DNAH2: variants seen among roughly 807,000 people sequenced by gnomAD.
DNAH2 encodes the protein axonemal beta dynein heavy chain 2.
In DNAH2, 323 loss-of-function variants were observed where a neutral mutation model predicts 523.5. The observed-to-expected ratio is 0.62, with a 90% CI of 0.56 to 0.68. The LOEUF is 0.68. Among genes scored for constraint, DNAH2 ranks in the 30% least tolerant of loss-of-function variants. DNAH2 has a pLI of 0.00. For synonymous variants in DNAH2, 2,093 were observed against 2,177.4 expected, an observed-to-expected ratio of 0.96 and a Z score of 1.08; for missense variants, 4,907 against 5,701.5, an observed-to-expected ratio of 0.86 and a Z score of 4.49.
chr17:7,770,994 A>G, intron 27 of DNAH2, 61 bp downstream of exon 27: 7 of 1,572,634 alleles, frequency 4.5e-6, no homozygotes, highest in Non-Finnish European at 6.0e-6. Context: ...TTTTCTTAAG[A>G]CCTAGATTTT....
intron 29 of DNAH2, 35 bp from the exon 30 acceptor site, chr17:7,775,206 C>T: frequency 6.3e-7 from 1 of 1,596,342 alleles, no homozygotes; most frequent in Non-Finnish European, 8.6e-7. Context: ...CAAGGGTGGG[C>T]AGGCCAGGCT....
chr17:7,824,720 C>T lies in DNAH2; in HGVS notation c.11846C>T (p.Pro3949Leu). The change falls in exon 77 of 86, where the codon CCA (proline) becomes CTA (leucine). Residue 3949 changes from proline to leucine, a missense_variant. This residue lies in a region of DNAH2 where 1,851 missense variants were observed against 2,139.4 expected (regional missense o/e 0.87). Transcript: ENST00000572933. ...LQVSIKMTTE[P>L]PKGLKANMTR... ...GTCAGCATCAAGATGACCACAGAGCCACCAAAGGTATGTGGCCATAGAGAA... is the reference window on the plus strand; with the variant it reads ...GTCAGCATCAAGATGACCACAGAGCTACCAAAGGTATGTGGCCATAGAGAA... 3.2e-6 allele frequency: 5 copies of T among 1,558,296 alleles called. No individual in the cohort carries two copies. The highest frequency in any genetic ancestry group is 4.4e-6 in the Non-Finnish European group (5 of 1,143,552).
intron 77 of DNAH2, among the ~76,000 whole-genome samples, chr17:7,826,843 C>A (rs1446635376): frequency 3.3e-5 from 5 of 152,028 alleles, no homozygotes; most frequent in African/African-American, 1.2e-4. Context: ...CCCGGCCCAT[C>A]ATCCTTTTAA....
chr17:7,725,368 G>T (rs1008853830), intron 3 of DNAH2, among the ~76,000 whole-genome samples: 1 of 149,438 alleles, frequency 6.7e-6, no homozygotes, highest in Non-Finnish European at 1.5e-5. Context: ...GGGATTACAG[G>T]TGTGAGCCAC....
At chr17:7,758,765 T>C in intron 14 of DNAH2, 114 bp downstream of exon 14, 1 of 1,557,852 alleles carries the variant, frequency 6.4e-7, no homozygotes, top group Non-Finnish European at 8.7e-7. Context: ...TTAAGTTTGC[T>C]TGGGGAAGGA....
At chr17:7,830,172 A>T in intron 77 of DNAH2, 128 bp from the exon 78 acceptor site, 1 of 939,880 alleles carries the variant, frequency 1.1e-6, no homozygotes, top group Admixed American at 2.7e-5. Context: ...GCTACATTTC[A>T]GCCTCCACTC....
chr17:7,722,187 CGG>C (rs56380951), intron 2 of DNAH2, among the ~76,000 whole-genome samples: 41,501 of 144,368 alleles, frequency 0.29, 7,232 homozygotes, highest in Non-Finnish European at 0.4. Context: ...TTTATAGAGA[CGG>C]GGGGGGGGGT....
chr17:7,737,185 G>A lies in DNAH2; in HGVS notation c.1097G>A (p.Ser366Asn). ...DISSKLPKLI[S>N]LIRIIWVNSP... Reference sequence around the variant, plus strand: ...TCTAGCAAGCTCCCTAAGCTGATCAGTCTCATCCGCATCATCTGGGTCAAC... The same window carrying A: ...TCTAGCAAGCTCCCTAAGCTGATCAATCTCATCCGCATCATCTGGGTCAAC... The change falls in exon 8 of 86, where the codon AGT becomes AAT. Residue 366 changes from serine to asparagine, a missense_variant. Physicochemically the swap from Ser to Asn is conservative, Grantham distance 46. This residue lies in a region of DNAH2 where 2,806 missense variants were observed against 3,190.8 expected (regional missense o/e 0.88). Coordinates refer to ENST00000572933, the MANE Select transcript of DNAH2 (RefSeq NM_020877.5). The A allele has an allele frequency of 6.2e-7, 1 of 1,614,058 alleles. No homozygotes were observed. Among genetic ancestry groups the A allele is most frequent in the African/African-American group, 1.3e-5 (1 of 75,006 alleles).
At position 7,740,480 on chromosome 17, in the gene DNAH2, C is replaced by G. The variant is rs753248434; in HGVS notation, c.1437C>G (p.Phe479Leu). 2.5e-6 allele frequency: 4 copies of G among 1,614,170 alleles called. No individual in the cohort carries two copies. Among genetic ancestry groups the G allele is most frequent in the South Asian group, 1.1e-5 (1 of 91,082 alleles). The change falls in exon 10 of 86, where the codon TTC becomes TTG. Residue 479 changes from phenylalanine to leucine, a missense_variant. This residue lies in a region of DNAH2 where 2,806 missense variants were observed against 3,190.8 expected (regional missense o/e 0.88). Transcript: ENST00000572933. Reference protein sequence around the residue: ...VMTQNLITSAFELVRDVPHGV... With the variant: ...VMTQNLITSALELVRDVPHGV... ...CCCAGAACCTGATCACCTCAGCCTT[C>G]GAGTTGGTGCGGGACGTGCCGCACG...
intron 44 of DNAH2, among the ~76,000 whole-genome samples, chr17:7,789,368 C>G (rs571463066): frequency 2.0e-5 from 3 of 152,224 alleles, no homozygotes; most frequent in African/African-American, 7.2e-5. Context: ...GCGGGCCGAG[C>G]TGGTGGTCTG....
chr17:7,735,538 A>G (rs532672708), intron 7 of DNAH2, among the ~76,000 whole-genome samples: 2 of 152,188 alleles, frequency 1.3e-5, no homozygotes, highest in East Asian at 3.9e-4. Context: ...TCCTGGGCTC[A>G]AGGGATCCTC....
At chr17:7,795,811 C>T (rs190944265) in intron 49 of DNAH2, among the ~76,000 whole-genome samples, 3,069 of 146,248 alleles carry the variant, frequency 0.021, 49 homozygotes, top group Non-Finnish European at 0.033. Flanking sequence ...AGCCTGACCA[C>T]CATGGAGAAA....
rs746372809 is a variant in DNAH2 at position 7,743,085 on chromosome 17, C to A, written c.1847C>A (p.Thr616Asn). Residue 616 changes from threonine to asparagine, a missense_variant, in exon 12 of 86, where the codon ACC becomes AAC. Transcript: ENST00000572933. Reference sequence around the variant, plus strand: ...AAGGATTGCATTCGGCGGTTGGATACCCCATTGCTGCGAATCAGCCAGGAG... The same window carrying A: ...AAGGATTGCATTCGGCGGTTGGATAACCCATTGCTGCGAATCAGCCAGGAG... ...LDKDCIRRLD[T>N]PLLRISQEKA... The A allele has an allele frequency of 2.6e-6, 4 of 1,552,102 alleles. No homozygotes were observed. In the African/African-American group the frequency reaches 4.1e-5, roughly 16 times the overall value.
Position 7,819,066 on chromosome 17 carries a change from A to G in DNAH2, c.10815+3A>G. 6.2e-7 allele frequency: 1 copy of G among 1,602,824 alleles called. No individual in the cohort carries two copies. The highest frequency in any genetic ancestry group is 8.5e-7 in the Non-Finnish European group (1 of 1,178,300). The stretch of plus-strand genomic sequence containing the variant: ...TCAACACTGACTTGGCGCGGGAGGT[A>G]AGCTCCCGGCCCTCCAGTCCTGCCT... On this transcript the variant is annotated splice_donor_region_variant and intron_variant, in intron 71 of 85. Coordinates refer to ENST00000572933, the MANE Select transcript of DNAH2 (RefSeq NM_020877.5).
Position 7,737,226 on chromosome 17 carries a change from A to C in DNAH2, c.1138A>C (p.Thr380Pro). The C allele has an allele frequency of 6.2e-7, 1 of 1,613,834 alleles. No homozygotes were observed. Among genetic ancestry groups the C allele is most frequent in the Non-Finnish European group, 8.5e-7 (1 of 1,179,948 alleles). ...IIWVNSPHYN[T>P]RERLTSLFRK... ...CTGGGTCAACTCTCCCCACTACAAC[A>C]CTCGGGAGAGACTGACCTCGCTCTT... Residue 380 changes from threonine to proline, a missense_variant, in exon 8 of 86, where the codon ACT becomes CCT. This residue lies in a region of DNAH2 where 2,806 missense variants were observed against 3,190.8 expected (regional missense o/e 0.88). Transcript: ENST00000572933.
rs746991785 is a variant in DNAH2 at position 7,778,096 on chromosome 17, T to C, written c.5267T>C (p.Ile1756Thr). ...YWEKDLDDCV[I>T]RQTNTQFQYN... ...CCCCAGGATCTTGATGACTGTGTCA[T>C]CCGCCAGACCAACACGCAATTTCAG... Residue 1756 changes from isoleucine to threonine, a missense_variant, in exon 34 of 86, where the codon ATC (isoleucine) becomes ACC (threonine). Coordinates refer to ENST00000572933, the MANE Select transcript of DNAH2 (RefSeq NM_020877.5). 2 of 1,614,154 alleles carry C rather than the reference T, an allele frequency of 1.2e-6. No individual in the cohort carries two copies. Among genetic ancestry groups the C allele is most frequent in the South Asian group, 2.2e-5 (2 of 91,078 alleles).
rs2078189986 is a variant in DNAH2, at chr17:7,832,028, C to T, written c.12726+253C>T. On this transcript the variant is annotated intron_variant, in intron 82 of 85. Transcript: ENST00000572933. The surrounding 1 kb of genome is among the most constrained non-coding windows in gnomAD (Gnocchi z 4.3). ...TGTTTCAGAGATTCCCAGTATTGTGCCTACCACTCAGTAGGTGCTTCATCA... is the reference window on the plus strand; with the variant it reads ...TGTTTCAGAGATTCCCAGTATTGTGTCTACCACTCAGTAGGTGCTTCATCA... 6.6e-6 allele frequency among the ~76,000 whole-genome samples: 1 copy of T among 152,204 alleles called. No homozygotes were observed. The highest frequency in any genetic ancestry group is 2.1e-4 in the South Asian group (1 of 4,832).
In DNAH2 at chr17:7,831,284, C is replaced by T. The variant is rs1402323362; in HGVS notation, c.12429C>T (p.Thr4143=). ...CCTTGCAACCTCAGATTACACCCAC[C>T]AGGGCTGGAGGCCAGACCCGGGAAG... ...LLSLQPQITP[T]RAGGQTREEK... is the part of the protein sequence containing the mutation. The change falls in exon 80 of 86, where the codon ACC becomes ACT. Residue 4143 remains threonine, a synonymous_variant. Coordinates refer to ENST00000572933, the MANE Select transcript of DNAH2 (RefSeq NM_020877.5). The surrounding 1 kb of genome is among the most constrained non-coding windows in gnomAD (Gnocchi z 4.2). The T allele has an allele frequency of 1.2e-6, 2 of 1,614,100 alleles. No individual in the cohort carries two copies. Among genetic ancestry groups the T allele is most frequent in the Non-Finnish European group, 8.5e-7 (1 of 1,180,026 alleles).
At position 7,786,908 on chromosome 17, in the gene DNAH2, G is replaced by C; in HGVS notation, c.6478G>C (p.Asp2160His). The change falls in exon 42 of 86, where the codon GAC becomes CAC. Residue 2160 changes from aspartate (D) to histidine (H), a missense_variant. Coordinates refer to ENST00000572933, the MANE Select transcript of DNAH2 (RefSeq NM_020877.5). This position sits in a 1 kb window ranked among gnomAD's most constrained non-coding sequence, Gnocchi z 7.5. Reference sequence around the variant, plus strand: ...CACCATCTACTCAGATGAGAAACCCGACGAGAAGTGGATCCTGTTCGATGG... The same window carrying C: ...CACCATCTACTCAGATGAGAAACCCCACGAGAAGTGGATCCTGTTCGATGG... ...MRTACADEKP[D>H]EKWILFDGPV... The C allele has an allele frequency of 6.2e-7, 1 of 1,614,262 alleles. No individual in the cohort carries two copies. Among genetic ancestry groups the C allele is most frequent in the Non-Finnish European group, 8.5e-7 (1 of 1,180,046 alleles).
Sources: gnomAD v4.1 joint callset for allele counts (sites outside exome capture counted in the v4.1 genomes callset) on GRCh38, gnomAD v4.1.1 for gene constraint, gnomAD v4.1.1 regional missense constraint, Gnocchi (gnomAD v3.1) non-coding constraint, MANE v1.5 for transcripts, NCBI Gene and HGNC (gene_info 2026-07-23, HGNC 2026-07-21) for gene names.